The following ATN1 variants were observed in gnomAD, a reference collection of about 807,000 sequenced individuals.
ATN1 encodes the protein atrophin-1.
In ATN1, 19 loss-of-function variants were observed where a neutral mutation model predicts 85.8. The ratio of observed to expected loss-of-function variants is 0.22; its 90% CI spans 0.15 to 0.32. The LOEUF (loss-of-function observed/expected upper bound fraction) is 0.32. ATN1 is among the 10% of genes least tolerant of loss of function. The pLI, the probability that ATN1 is intolerant of heterozygous loss-of-function variation, is 1.00. For synonymous variants in ATN1, 674 were observed against 657.0 expected (o/e 1.03, Z -0.39); for missense variants, 1,453 against 1,564.5 (o/e 0.93, Z 1.20).
Position 6,941,834 on chromosome 12 carries a change from C to T in ATN1, c.*54C>T. ...CCTACATTGGACCTTGGAGCACCCC[C>T]ACCCTCCCCCCACCGTGCCCTTGGC... On this transcript the variant is annotated 3_prime_UTR_variant, in exon 10 of 10. Coordinates refer to ENST00000396684, the MANE Select transcript of ATN1 (RefSeq NM_001940.4). The surrounding 1 kb of genome is among the most constrained non-coding windows in gnomAD (Gnocchi z 5.9). The T allele has an allele frequency of 1.3e-6, 2 of 1,586,626 alleles. No homozygotes were observed. Among genetic ancestry groups the T allele is most frequent in the Non-Finnish European group, 1.7e-6 (2 of 1,155,386 alleles).
chr12:6,937,244 C>A lies in ATN1; in HGVS notation c.1977C>A (p.Pro659=), dbSNP rs1555143929. ...CAGCCACCCCACCCGGATACAAACC[C>A]GGGTCGCCTCCCTCCTTCCGAACGG... The part of the protein sequence containing the change: ...YKTATPPGYK[P]GSPPSFRTGT... Residue 659 remains proline (P), a synonymous_variant, in exon 5 of 10, where the codon CCC becomes CCA. Transcript: ENST00000396684. This position sits in a 1 kb window ranked among gnomAD's most constrained non-coding sequence, Gnocchi z 6.0. 1 of 1,611,772 alleles carries A rather than the reference C, an allele frequency of 6.2e-7. No individual in the cohort carries two copies. The highest frequency in any genetic ancestry group is 2.2e-5 in the East Asian group (1 of 44,834).
At chr12:6,939,671 T>C (rs1220329543) in intron 7 of ATN1, among the ~76,000 whole-genome samples, 1 of 152,098 alleles carries the variant, frequency 6.6e-6, no homozygotes, top group Non-Finnish European at 1.5e-5. Context: ...CTGGCTACTT[T>C]TTGTATTTTT....
At position 6,934,630 on chromosome 12, in the gene ATN1, A is replaced by C; in HGVS notation, c.279+52A>C. ...CCCATCTTGTGACCATTCTTTTCTC[A>C]GACTTGCTTATGCTCACTATTCTTA... On this transcript the variant is annotated intron_variant, in intron 4 of 9. Transcript: ENST00000396684. This position sits in a 1 kb window ranked among gnomAD's most constrained non-coding sequence, Gnocchi z 4.5. The C allele has an allele frequency of 7.5e-7, 1 of 1,332,998 alleles. No individual in the cohort carries two copies. The highest frequency in any genetic ancestry group is 1.1e-6 in the Non-Finnish European group (1 of 948,456). The allele number at this position is 1,332,998 out of a possible 1,614,324, so 82.6% of individuals were successfully genotyped here. A position where few individuals can be genotyped will look rare whatever the true frequency, so the allele number is the denominator to read the frequency against.
intron 1 of ATN1, among the ~76,000 whole-genome samples, chr12:6,928,984 A>C (rs782354659): frequency 6.6e-6 from 1 of 152,118 alleles, no homozygotes; most frequent in South Asian, 2.1e-4. Flanking sequence ...ATTTTTGAGA[A>C]GAGCCGGAGG....
Position 6,934,674 on chromosome 12 carries a change from C to A in ATN1, c.279+96C>A. ...ATTCTTAGCTGGATCTCTCCTGGGA[C>A]ATAAGAGAAAGGCCAGATCATAGTG... is the stretch of plus-strand genomic sequence containing the variant. On this transcript the variant is annotated intron_variant, in intron 4 of 9. Coordinates refer to ENST00000396684, the MANE Select transcript of ATN1 (RefSeq NM_001940.4). This position sits in a 1 kb window ranked among gnomAD's most constrained non-coding sequence, Gnocchi z 4.5. 3.2e-6 allele frequency: 3 copies of A among 930,578 alleles called. No individual in the cohort carries two copies. Among genetic ancestry groups the A allele is most frequent in the South Asian group, 1.5e-5 (1 of 67,336 alleles). The allele number at this position is 930,578 out of a possible 1,614,324, so 57.6% of individuals were successfully genotyped here.
chr12:6,936,403 G>T lies in ATN1; in HGVS notation c.1136G>T (p.Ser379Ile), dbSNP rs371878798. ...ATGAGGTTTCCTTATTCATCCTCTA[G>T]TAGTAGCTCTGCAGCAGCCTCCTCT... ...PPMRFPYSSS[S>I]SSSAAASSSS... The change falls in exon 5 of 10, where the codon AGT (serine) becomes ATT (isoleucine). Residue 379 changes from serine to isoleucine, a missense_variant. Physicochemically the swap from Ser to Ile is moderately radical, Grantham distance 142 (BLOSUM62 -2). Transcript: ENST00000396684. The T allele has an allele frequency of 6.2e-6, 10 of 1,613,418 alleles. No homozygotes were observed. The highest frequency in any genetic ancestry group is 1.7e-5 in the Admixed American group (1 of 59,986).
chr12:6,936,437 T>G lies in ATN1; in HGVS notation c.1170T>G (p.Ser390=), dbSNP rs1446704647. The change falls in exon 5 of 10, where the codon TCT becomes TCG. Residue 390 remains serine (S), a synonymous_variant. Transcript: ENST00000396684. ...SSSAAASSSS[S]SSSSSASPFP... ...CTGCAGCAGCCTCCTCTTCCAGTTC[T>G]TCCTCCTCTTCCTCTGCCTCCCCCT... 4 of 1,611,364 alleles carry G rather than the reference T, an allele frequency of 2.5e-6. No homozygotes were observed. The highest frequency in any genetic ancestry group is 3.4e-6 in the Non-Finnish European group (4 of 1,179,496).
chr12:6,940,180 C>T (rs976298604), intron 7 of ATN1, among the ~76,000 whole-genome samples: 2 of 152,018 alleles, frequency 1.3e-5, no homozygotes, highest in East Asian at 1.9e-4. Context: ...TTAGTAGACA[C>T]GGGGTTTCAC....
At position 6,938,024 on chromosome 12, in the gene ATN1, A is replaced by AGG; in HGVS notation, c.2474_2475insGG (p.Arg827SerfsTer14). On this transcript the variant is annotated frameshift_variant, in exon 6 of 10. Coordinates refer to ENST00000396684, the MANE Select transcript of ATN1 (RefSeq NM_001940.4). LOFTEE classifies it high-confidence loss of function. Reference sequence around the variant, plus strand: ...CGCGAGCGCGAGCGGGAACGCGAGAAAGAGCGCGAGCGCGAGAAGGAGCGC... The same window carrying AGG: ...CGCGAGCGCGAGCGGGAACGCGAGAAGGAGAGCGCGAGCGCGAGAAGGAGCGC... 5 of 1,546,480 alleles carry AGG rather than the reference A, an allele frequency of 3.2e-6. No homozygotes were observed. Among genetic ancestry groups the AGG allele is most frequent in the Non-Finnish European group, 2.6e-6 (3 of 1,146,254 alleles).
In ATN1 at chr12:6,937,930, A is replaced by C; in HGVS notation, c.2380A>C (p.Lys794Gln). The C allele has an allele frequency of 1.9e-6, 3 of 1,592,552 alleles. No individual in the cohort carries two copies. The highest frequency in any genetic ancestry group is 2.6e-6 in the Non-Finnish European group (3 of 1,170,242). The change falls in exon 6 of 10, where the codon AAG (lysine) becomes CAG (glutamine). Residue 794 changes from lysine to glutamine, a missense_variant. Lys to Gln is a moderately conservative substitution (Grantham distance 53). Coordinates refer to ENST00000396684, the MANE Select transcript of ATN1 (RefSeq NM_001940.4). The surrounding 1 kb of genome is among the most constrained non-coding windows in gnomAD (Gnocchi z 6.0). ...FVPLEGSKLA[K>Q]KRADLVEKVR... ...GCCACTGGAGGGCTCCAAGCTGGCC[A>C]AGAAGCGGGCCGACCTGGTGGAGAA...
Position 6,942,270 on chromosome 12 carries a change from AC to A in ATN1, c.*491del, listed in dbSNP as rs1263586496. On this transcript the variant is annotated 3_prime_UTR_variant, in exon 10 of 10. Transcript: ENST00000396684. ...ATATCTATATGACGCTCTTAAAAAA[AC>A]ATCCCAACCAAAACCAACCAAACAA... 1.9e-5 allele frequency: 3 copies of A among 154,166 alleles called. No homozygotes were observed. Among genetic ancestry groups the A allele is most frequent in the South Asian group, 2.0e-4 (1 of 5,060 alleles). 9.5% of individuals were successfully genotyped at this position (154,166 alleles called of 1,614,324 possible). A position where few individuals can be genotyped will look rare whatever the true frequency, so the allele number is the denominator to read the frequency against.
chr12:6,936,773 G>GCAT lies in ATN1; in HGVS notation c.1509_1511dup (p.His504dup), dbSNP rs1555143796. The GCAT allele has an allele frequency of 2.0e-4, 322 of 1,590,296 alleles. No individual in the cohort carries two copies. The highest frequency in any genetic ancestry group is 1.7e-3 in the South Asian group (155 of 89,146). On this transcript the variant is annotated inframe_insertion, in exon 5 of 10. Transcript: ENST00000396684. ...AGCAGCAGCAGCAGCAGCAGCAGCA[G>GCAT]CATCACGGAAACTCTGGGCCCCCTC...
chr12:6,939,491 C>T (rs1178173984), intron 7 of ATN1, among the ~76,000 whole-genome samples: 2 of 152,206 alleles, frequency 1.3e-5, no homozygotes, highest in African/African-American at 4.8e-5. Context: ...CCAAGCCCTT[C>T]ACAAACCTGT....
In ATN1 at chr12:6,937,754, G is replaced by C. The variant is rs1190746397; in HGVS notation, c.2295-91G>C. ...AGCCTGCAGGGGTGGTTTTGAGGCG[G>C]GGGCTACAAGCACTCGCCGGGGCCG... On this transcript the variant is annotated intron_variant, in intron 5 of 9. Coordinates refer to ENST00000396684, the MANE Select transcript of ATN1 (RefSeq NM_001940.4). This position sits in a 1 kb window ranked among gnomAD's most constrained non-coding sequence, Gnocchi z 6.0. 9 of 1,460,844 alleles carry C rather than the reference G, an allele frequency of 6.2e-6. No homozygotes were observed. The highest frequency in any genetic ancestry group is 8.1e-6 in the Non-Finnish European group (9 of 1,108,870). 90.5% of individuals were successfully genotyped at this position (1,460,844 alleles called of 1,614,324 possible). A position where few individuals can be genotyped will look rare whatever the true frequency, so the allele number is the denominator to read the frequency against.
rs1945517961 is a variant in ATN1, at chr12:6,935,386, G to T, written c.280-161G>T. ...GAGCAGCCAAGAATGTGAGGAAAGT[G>T]AGAAATCCCCAGATGGTAAGAGGTG... On this transcript the variant is annotated intron_variant, in intron 4 of 9. Coordinates refer to ENST00000396684, the MANE Select transcript of ATN1 (RefSeq NM_001940.4). This position sits in a 1 kb window ranked among gnomAD's most constrained non-coding sequence, Gnocchi z 5.3. Among the ~76,000 whole-genome samples, 1 of 152,150 alleles carries T rather than the reference G, an allele frequency of 6.6e-6. No homozygotes were observed. The highest frequency in any genetic ancestry group is 1.5e-5 in the Non-Finnish European group (1 of 68,032).
chr12:6,927,122 C>T (rs1406368513), upstream of ATN1, among the ~76,000 whole-genome samples: 3 of 151,704 alleles, frequency 2.0e-5, no homozygotes, highest in African/African-American at 7.3e-5. Context: ...TCCAGCATTC[C>T]TTCATCCCCC....
Position 6,938,037 on chromosome 12 carries a change from C to T in ATN1, c.2487C>T (p.Arg829=), listed in dbSNP as rs782812511. 3.9e-6 allele frequency: 6 copies of T among 1,544,744 alleles called. No homozygotes were observed. Among genetic ancestry groups the T allele is most frequent in the Non-Finnish European group, 5.2e-6 (6 of 1,145,968 alleles). ...REREREKERE[R]EKERELERSV... ...GGGAACGCGAGAAAGAGCGCGAGCG[C>T]GAGAAGGAGCGCGAGCTTGAACGCA... The change falls in exon 6 of 10, where the codon CGC becomes CGT. Residue 829 remains arginine (R), a synonymous_variant. Coordinates refer to ENST00000396684, the MANE Select transcript of ATN1 (RefSeq NM_001940.4).
chr12:6,933,999 AG>A lies in ATN1; in HGVS notation c.-2del, dbSNP rs1945498357. 1.2e-6 allele frequency: 2 copies of A among 1,604,750 alleles called. No homozygotes were observed. ...GGAGAATGGGGTCTCCACAGCCTGA[AG>A]AATGAAGACACGACAGAATAAAGAC... On this transcript the variant is annotated 5_prime_UTR_variant, in exon 2 of 10. Coordinates refer to ENST00000396684, the MANE Select transcript of ATN1 (RefSeq NM_001940.4).
rs1555144102 is a variant in ATN1 at position 6,937,970 on chromosome 12, C to T, written c.2420C>T (p.Ala807Val). Residue 807 changes from alanine (A) to valine (V), a missense_variant, in exon 6 of 10, where the codon GCC (alanine) becomes GTC (valine). Ala to Val is a moderately conservative substitution (Grantham distance 64). This residue lies in a region of ATN1 where 990 missense variants were observed against 914.8 expected (regional missense o/e 1.08). Transcript: ENST00000396684. The surrounding 1 kb of genome is among the most constrained non-coding windows in gnomAD (Gnocchi z 6.0). ...CTGGTGGAGAAGGTGCGGCGCGAGG[C>T]CGAGCAGCGCGCGCGCGAAGAAAAG... ...ADLVEKVRRE[A>V]EQRAREEKER... 1 of 1,557,902 alleles carries T rather than the reference C, an allele frequency of 6.4e-7. No homozygotes were observed. Among genetic ancestry groups the T allele is most frequent in the African/African-American group, 1.4e-5 (1 of 73,272 alleles).
Sources: allele counts gnomAD v4.1 joint callset (sites outside exome capture counted in the v4.1 genomes callset), GRCh38; gene constraint gnomAD v4.1.1; regional missense constraint gnomAD v4.1.1; non-coding constraint Gnocchi (gnomAD v3.1); transcripts MANE v1.5; gene names NCBI Gene and HGNC (gene_info 2026-07-23, HGNC 2026-07-21).